EPM2AIP1: variants seen among roughly 807,000 people sequenced by gnomAD.
EPM2AIP1 encodes the protein EPM2A-interacting protein 1.
EPM2AIP1 carries 23 observed loss-of-function variants against 44.8 expected under a neutral mutation model. The ratio of observed to expected loss-of-function variants is 0.51; its 90% CI spans 0.37 to 0.73. The LOEUF is 0.73. EPM2AIP1 is among the 30% of genes least tolerant of loss of function. The pLI, the probability that EPM2AIP1 is intolerant of heterozygous loss-of-function variation, is 0.00. For synonymous variants in EPM2AIP1, 311 were observed against 284.3 expected, an observed-to-expected ratio of 1.09 and a Z score of -0.94; for missense variants, 652 against 743.9, an observed-to-expected ratio of 0.88 and a Z score of 1.44.
In EPM2AIP1 at chr3:36,991,217, A is replaced by G; in HGVS notation, c.*37T>C. The G allele has an allele frequency of 6.6e-7, 1 of 1,511,536 alleles. No homozygotes were observed. The highest frequency in any genetic ancestry group is 8.9e-7 in the Non-Finnish European group (1 of 1,128,554). 93.6% of individuals were successfully genotyped at this position (1,511,536 alleles called of 1,614,324 possible). On this transcript the variant is annotated 3_prime_UTR_variant, in exon 1 of 1. Coordinates refer to ENST00000322716, the MANE Select transcript of EPM2AIP1 (RefSeq NM_014805.4). ...AACCAATTTTTGCTTTTAGAATTAA[A>G]TTCTTGTTGAGTTTTTCAATCTTGT...
rs551885474 is a variant in EPM2AIP1, at chr3:36,985,981, A to C, written c.*5273T>G. On this transcript the variant is annotated 3_prime_UTR_variant, in exon 1 of 1. Coordinates refer to ENST00000322716, the MANE Select transcript of EPM2AIP1 (RefSeq NM_014805.4). ...AAACCAAAGTCCCTAGGCAAGTTGCAATAGAAAAGTTGTGTGAGACAGTGA... is the reference window on the plus strand; with the variant it reads ...AAACCAAAGTCCCTAGGCAAGTTGCCATAGAAAAGTTGTGTGAGACAGTGA... 9.2e-5 allele frequency: 14 copies of C among 152,362 alleles called. No homozygotes were observed. The highest frequency in any genetic ancestry group is 7.8e-4 in the Admixed American group (12 of 15,302). 9.4% of individuals were successfully genotyped at this position (152,362 alleles called of 1,614,324 possible).
At position 36,988,563 on chromosome 3, in the gene EPM2AIP1, C is replaced by T. The variant is rs776120018; in HGVS notation, c.*2691G>A. 2.6e-5 allele frequency: 4 copies of T among 152,120 alleles called. No homozygotes were observed. The highest frequency in any genetic ancestry group is 5.9e-5 in the Non-Finnish European group (4 of 68,014). The allele number at this position is 152,120 out of a possible 1,614,324, so 9.4% of individuals were successfully genotyped here. On this transcript the variant is annotated 3_prime_UTR_variant, in exon 1 of 1. Transcript: ENST00000322716. Reference sequence around the variant, plus strand: ...AATGAGATCAGCTAGCGAGCTGACACAGAACAAGGCAGTCTAAAACAAATT... The same window carrying T: ...AATGAGATCAGCTAGCGAGCTGACATAGAACAAGGCAGTCTAAAACAAATT...
Position 36,991,760 on chromosome 3 carries a change from C to T in EPM2AIP1, c.1318G>A (p.Val440Ile), listed in dbSNP as rs754125935. Residue 440 changes from valine to isoleucine, a missense_variant, in exon 1 of 1, where the codon GTT (valine) becomes ATT (isoleucine). By Grantham distance (29) the Val-to-Ile change is conservative. Coordinates refer to ENST00000322716, the MANE Select transcript of EPM2AIP1 (RefSeq NM_014805.4). ...NLTDFPALREVVDELKQQNKE... is the reference protein window; with the variant it reads ...NLTDFPALREIVDELKQQNKE... ...TTTTGCTGTTTTAGCTCATCAACAA[C>T]TTCTCTGAGGGCAGGAAAGTCTGTT... The T allele has an allele frequency of 5.0e-6, 8 of 1,613,826 alleles. No homozygotes were observed. In the Admixed American group the frequency reaches 1.3e-4, roughly 27 times the overall value.
rs1341662900 is a variant in EPM2AIP1 at position 36,985,896 on chromosome 3, TAAG to T, written c.*5355_*5357del. On this transcript the variant is annotated 3_prime_UTR_variant, in exon 1 of 1. Coordinates refer to ENST00000322716, the MANE Select transcript of EPM2AIP1 (RefSeq NM_014805.4). ...TCCAGTAAAACTTTATTTAGATAAA[TAAG>T]GAGCTAGACAGATTTTGCCCATGGA... 1 of 152,174 alleles carries T rather than the reference TAAG, an allele frequency of 6.6e-6. No homozygotes were observed. Among genetic ancestry groups the T allele is most frequent in the African/African-American group, 2.4e-5 (1 of 41,446 alleles). The allele number at this position is 152,174 out of a possible 1,614,324, so 9.4% of individuals were successfully genotyped here.
rs1435986262 is a variant in EPM2AIP1, at chr3:36,992,268, G to C, written c.810C>G (p.Pro270=). 2 of 1,613,976 alleles carry C rather than the reference G, an allele frequency of 1.2e-6. No individual in the cohort carries two copies. The highest frequency in any genetic ancestry group is 8.5e-7 in the Non-Finnish European group (1 of 1,179,888). ...VSYMREKAVS[P]NCWNVIHYSG... Reference sequence around the variant, plus strand: ...AATAATGAATGACATTCCAACAGTTGGGGCTTACGGCCTTTTCTCTCATGT... The same window carrying C: ...AATAATGAATGACATTCCAACAGTTCGGGCTTACGGCCTTTTCTCTCATGT... The change falls in exon 1 of 1, where the codon CCC becomes CCG. Residue 270 remains proline (P), a synonymous_variant. Coordinates refer to ENST00000322716, the MANE Select transcript of EPM2AIP1 (RefSeq NM_014805.4). This position sits in a 1 kb window ranked among gnomAD's most constrained non-coding sequence, Gnocchi z 5.3.
At position 36,985,312 on chromosome 3, in the gene EPM2AIP1, T is replaced by G. The variant is rs912753731; in HGVS notation, c.*5942A>C. The G allele has an allele frequency of 6.6e-6, 1 of 152,194 alleles. No individual in the cohort carries two copies. Among genetic ancestry groups the G allele is most frequent in the African/African-American group, 2.4e-5 (1 of 41,458 alleles). 9.4% of individuals were successfully genotyped at this position (152,194 alleles called of 1,614,324 possible). A position where few individuals can be genotyped will look rare whatever the true frequency, so the allele number is the denominator to read the frequency against. ...GTGATAAAAGGGGTTGGTGGGGGCC[T>G]GGGGAACATAAGGACACCTACTGAA... On this transcript the variant is annotated 3_prime_UTR_variant, in exon 1 of 1. Transcript: ENST00000322716.
In EPM2AIP1 at chr3:36,993,066, C is replaced by T. The variant is rs2080850946; in HGVS notation, c.12G>A (p.Thr4=). 1.9e-6 allele frequency: 3 copies of T among 1,603,958 alleles called. No individual in the cohort carries two copies. The highest frequency in any genetic ancestry group is 4.5e-5 in the East Asian group (2 of 44,728). The stretch of plus-strand genomic sequence containing the variant: ...CGACTTCCATCTTGCTTCTTTTGGG[C>T]GTCATCCACATTCTGCGGGAGGCCA... MWM[T]PKRSKMEVDE... The change falls in exon 1 of 1, where the codon ACG becomes ACA. Residue 4 remains threonine, a synonymous_variant. Coordinates refer to ENST00000322716, the MANE Select transcript of EPM2AIP1 (RefSeq NM_014805.4).
chr3:36,987,918 G>A lies in EPM2AIP1; in HGVS notation c.*3336C>T, dbSNP rs1373234407. On this transcript the variant is annotated 3_prime_UTR_variant, in exon 1 of 1. Transcript: ENST00000322716. ...GCCAGGCATTGTGCTAAGCACTAGA[G>A]ATATAACAGTGAACAAGGCTTATAT... 6.6e-6 allele frequency: 1 copy of A among 152,206 alleles called. No individual in the cohort carries two copies. The highest frequency in any genetic ancestry group is 1.5e-5 in the Non-Finnish European group (1 of 68,036). The allele number at this position is 152,206 out of a possible 1,614,324, so 9.4% of individuals were successfully genotyped here. A position where few individuals can be genotyped will look rare whatever the true frequency, so the allele number is the denominator to read the frequency against.
chr3:36,993,096 A>G lies in EPM2AIP1; in HGVS notation c.-19T>C, dbSNP rs767476113. On this transcript the variant is annotated 5_prime_UTR_variant, in exon 1 of 1. Coordinates refer to ENST00000322716, the MANE Select transcript of EPM2AIP1 (RefSeq NM_014805.4). ...TCCACATTCTGCGGGAGGCCACAAG[A>G]GCAGGGCCAACGTTAGAAAGGCCGC... is the stretch of plus-strand genomic sequence containing the variant. The G allele has an allele frequency of 6.9e-6, 11 of 1,585,302 alleles. No homozygotes were observed. The highest frequency in any genetic ancestry group is 6.7e-5 in the East Asian group (3 of 44,594).
Position 36,990,312 on chromosome 3 carries a change from G to T in EPM2AIP1, c.*942C>A. ...AAAACAAAGTGTTTACTTTAGGCAG[G>T]ATTTTTTAAAATAAAGCAGCAATAC... On this transcript the variant is annotated 3_prime_UTR_variant, in exon 1 of 1. Transcript: ENST00000322716. The T allele has an allele frequency of 1.8e-6, 1 of 545,042 alleles. No individual in the cohort carries two copies. Among genetic ancestry groups the T allele is most frequent in the Non-Finnish European group, 2.3e-6 (1 of 427,982 alleles). The allele number at this position is 545,042 out of a possible 1,614,324, so 33.8% of individuals were successfully genotyped here.
chr3:36,987,657 T>A lies in EPM2AIP1; in HGVS notation c.*3597A>T, dbSNP rs1471440928. 1 of 152,112 alleles carries A rather than the reference T, an allele frequency of 6.6e-6. No homozygotes were observed. Among genetic ancestry groups the A allele is most frequent in the South Asian group, 2.1e-4 (1 of 4,834 alleles). 9.4% of individuals were successfully genotyped at this position (152,112 alleles called of 1,614,324 possible). A position where few individuals can be genotyped will look rare whatever the true frequency, so the allele number is the denominator to read the frequency against. On this transcript the variant is annotated 3_prime_UTR_variant, in exon 1 of 1. Coordinates refer to ENST00000322716, the MANE Select transcript of EPM2AIP1 (RefSeq NM_014805.4). ...GAGAAAACCACAATTTGTTTAACAG[T>A]CACATAATACATATTTAAGTCACAT... is the stretch of plus-strand genomic sequence containing the variant.
At position 36,987,952 on chromosome 3, in the gene EPM2AIP1, C is replaced by T. The variant is rs189492988; in HGVS notation, c.*3302G>A. On this transcript the variant is annotated 3_prime_UTR_variant, in exon 1 of 1. Transcript: ENST00000322716. ...GTGAACAAGGCTTATATGGTCCCTG[C>T]CCTTACAAAGCTTACAGTCTAGCAG... 1 of 152,262 alleles carries T rather than the reference C, an allele frequency of 6.6e-6. No homozygotes were observed. Among genetic ancestry groups the T allele is most frequent in the African/African-American group, 2.4e-5 (1 of 41,564 alleles). 9.4% of individuals were successfully genotyped at this position (152,262 alleles called of 1,614,324 possible). A position where few individuals can be genotyped will look rare whatever the true frequency, so the allele number is the denominator to read the frequency against.
At position 36,990,457 on chromosome 3, in the gene EPM2AIP1, AAAG is replaced by A; in HGVS notation, c.*794_*796del. ...GTGTCTACAGTAAAAAAAAAAAAAA[AAAG>A]AATTACTAACTGGCAACCATTAAGA... On this transcript the variant is annotated 3_prime_UTR_variant, in exon 1 of 1. Coordinates refer to ENST00000322716, the MANE Select transcript of EPM2AIP1 (RefSeq NM_014805.4). The A allele has an allele frequency of 3.1e-6, 3 of 982,908 alleles. No homozygotes were observed. The highest frequency in any genetic ancestry group is 1.1e-4 in the East Asian group (1 of 8,810). The allele number at this position is 982,908 out of a possible 1,614,324, so 60.9% of individuals were successfully genotyped here. A position where few individuals can be genotyped will look rare whatever the true frequency, so the allele number is the denominator to read the frequency against.
chr3:36,990,297 GTTTAC>G lies in EPM2AIP1; in HGVS notation c.*952_*956del, dbSNP rs556474511. On this transcript the variant is annotated 3_prime_UTR_variant, in exon 1 of 1. Coordinates refer to ENST00000322716, the MANE Select transcript of EPM2AIP1 (RefSeq NM_014805.4). ...ATACTGTATCATTTTAAAACAAAGT[GTTTAC>G]TTTAGGCAGGATTTTTTAAAATAAA... 165 of 400,948 alleles carry G rather than the reference GTTTAC, an allele frequency of 4.1e-4. 2 individuals carry two copies. In the Admixed American group the frequency reaches 8.6e-3, roughly 21 times the overall value. 24.8% of individuals were successfully genotyped at this position (400,948 alleles called of 1,614,324 possible).
rs1418190912 is a variant in EPM2AIP1 at position 36,985,198 on chromosome 3, TCA to T, written c.*6054_*6055del. ...CTACTACATATAACATGGATTACTC[TCA>T]CAGATACAATGTTGAACAAGACACG... On this transcript the variant is annotated 3_prime_UTR_variant, in exon 1 of 1. Coordinates refer to ENST00000322716, the MANE Select transcript of EPM2AIP1 (RefSeq NM_014805.4). The T allele has an allele frequency of 4.6e-5, 7 of 152,332 alleles. No homozygotes were observed. Among genetic ancestry groups the T allele is most frequent in the Admixed American group, 3.3e-4 (5 of 15,298 alleles). 9.4% of individuals were successfully genotyped at this position (152,332 alleles called of 1,614,324 possible).
rs563117100 is a variant in EPM2AIP1 at position 36,985,623 on chromosome 3, A to G, written c.*5631T>C. The G allele has an allele frequency of 6.6e-6, 1 of 152,332 alleles. No individual in the cohort carries two copies. Among genetic ancestry groups the G allele is most frequent in the African/African-American group, 2.4e-5 (1 of 41,586 alleles). The allele number at this position is 152,332 out of a possible 1,614,324, so 9.4% of individuals were successfully genotyped here. A position where few individuals can be genotyped will look rare whatever the true frequency, so the allele number is the denominator to read the frequency against. ...AATGAAAGTCCTTTAAGAGTCCTTA[A>G]GTGATTTGCCATACTCTTTTTTCAT... On this transcript the variant is annotated 3_prime_UTR_variant, in exon 1 of 1. Transcript: ENST00000322716.
In EPM2AIP1 at chr3:36,991,106, A is replaced by C; in HGVS notation, c.*148T>G. 1 of 1,346,548 alleles carries C rather than the reference A, an allele frequency of 7.4e-7. No individual in the cohort carries two copies. The highest frequency in any genetic ancestry group is 9.6e-7 in the Non-Finnish European group (1 of 1,046,634). The allele number at this position is 1,346,548 out of a possible 1,614,324, so 83.4% of individuals were successfully genotyped here. ...TGCCATTTGAGATGAAAAAAAAGGC[A>C]ACTGTCAGAATTTTAATTGTGATCA... On this transcript the variant is annotated 3_prime_UTR_variant, in exon 1 of 1. Transcript: ENST00000322716.
Position 36,990,637 on chromosome 3 carries a change from C to G in EPM2AIP1, c.*617G>C, listed in dbSNP as rs1268761975. 1.0e-6 allele frequency: 1 copy of G among 985,538 alleles called. No homozygotes were observed. The highest frequency in any genetic ancestry group is 1.2e-6 in the Non-Finnish European group (1 of 829,826). 61.0% of individuals were successfully genotyped at this position (985,538 alleles called of 1,614,324 possible). On this transcript the variant is annotated 3_prime_UTR_variant, in exon 1 of 1. Coordinates refer to ENST00000322716, the MANE Select transcript of EPM2AIP1 (RefSeq NM_014805.4). ...TGAAACTTAAAAATGATTCTAATGA[C>G]TTCCTCTATCAGTAATGTGTTATCA...
rs1048132556 is a variant in EPM2AIP1, at chr3:36,990,883, A to T, written c.*371T>A. On this transcript the variant is annotated 3_prime_UTR_variant, in exon 1 of 1. Coordinates refer to ENST00000322716, the MANE Select transcript of EPM2AIP1 (RefSeq NM_014805.4). ...GGAGTTGATAATTTAAGACTATATG[A>T]ATCAGAATTTTAACACTCCATTAAA... 11 of 996,570 alleles carry T rather than the reference A, an allele frequency of 1.1e-5. No homozygotes were observed. In the South Asian group the frequency reaches 3.1e-4, roughly 28 times the overall value. 61.7% of individuals were successfully genotyped at this position (996,570 alleles called of 1,614,324 possible).
Sources: allele counts gnomAD v4.1 joint callset, GRCh38; gene constraint gnomAD v4.1.1; non-coding constraint Gnocchi (gnomAD v3.1); transcripts MANE v1.5; gene names NCBI Gene and HGNC (gene_info 2026-07-23, HGNC 2026-07-21).